HDAC9: variants seen among roughly 807,000 people sequenced by gnomAD.
HDAC9 encodes histone deacetylase 9.
Under a neutral mutation model 139.4 loss-of-function variants are expected in HDAC9, and 41 were observed. The observed-to-expected ratio is 0.29, with a 90% CI of 0.23 to 0.38. The LOEUF (loss-of-function observed/expected upper bound fraction) is 0.38. Ranked by LOEUF, HDAC9 falls within the 10% of genes least tolerant of loss-of-function variation. HDAC9 has a pLI of 1.00. For missense variants in HDAC9, 1,147 were observed against 1,297.0 expected, an observed-to-expected ratio of 0.88 and a Z score of 1.78; for synonymous variants, 517 against 476.2, an observed-to-expected ratio of 1.09 and a Z score of -1.12.
At chr7:18,792,795 T>C (rs952867730) in intron 16 of HDAC9, among the ~76,000 whole-genome samples, 3 of 152,192 alleles carry the variant, frequency 2.0e-5, no homozygotes, top group African/African-American at 7.2e-5. Flanking sequence ...ACTCCTTCCA[T>C]TTAGTTGGAG....
intron 22 of HDAC9, among the ~76,000 whole-genome samples, chr7:18,893,481 C>T (rs1452028288): frequency 6.6e-6 from 1 of 152,138 alleles, no homozygotes; most frequent in Non-Finnish European, 1.5e-5. Context: ...TCCCTGTTTG[C>T]ATGTGGCTTA....
chr7:18,172,796 T>G (rs1788554874), intron 2 of HDAC9, among the ~76,000 whole-genome samples: 1 of 152,240 alleles, frequency 6.6e-6, no homozygotes, highest in African/African-American at 2.4e-5. Context: ...TCTAATTTGA[T>G]TGCACTGTGG....
exon 2 of HDAC9, chr7:18,162,269 T>C: frequency 6.6e-7 from 1 of 1,505,386 alleles, no homozygotes; most frequent in South Asian, 1.2e-5. Flanking sequence ...TTGTCAGCAG[T>C]TGAACGACAA....
intron 22 of HDAC9, among the ~76,000 whole-genome samples, chr7:18,923,326 TCCCAGTCTAATG>T (rs1298664665): frequency 6.6e-6 from 1 of 152,122 alleles, no homozygotes; most frequent in Non-Finnish European, 1.5e-5. Context: ...CCAGCTTGAC[TCCCAGTCTAATG>T]CATCTGCGAG....
chr7:18,660,976 C>A (rs1321446953), intron 11 of HDAC9, among the ~76,000 whole-genome samples: 3 of 152,102 alleles, frequency 2.0e-5, no homozygotes, highest in Non-Finnish European at 4.4e-5. Context: ...TTAATGTTAC[C>A]TAAATTATAT....
intron 2 of HDAC9, among the ~76,000 whole-genome samples, chr7:18,283,661 G>A (rs1050694624): frequency 6.6e-6 from 1 of 152,086 alleles, no homozygotes; most frequent in Non-Finnish European, 1.5e-5. Flanking sequence ...TGTTAAGCAT[G>A]TTGCATTACT....
intron 22 of HDAC9, among the ~76,000 whole-genome samples, chr7:18,885,224 A>T (rs1039756123): frequency 6.6e-6 from 1 of 152,242 alleles, no homozygotes; most frequent in Non-Finnish European, 1.5e-5. Flanking sequence ...CATCAGAATT[A>T]TCCCAGGAAT....
At chr7:18,475,373 T>C (rs938833907) in intron 1 of HDAC9, among the ~76,000 whole-genome samples, 1 of 152,246 alleles carries the variant, frequency 6.6e-6, no homozygotes, top group Non-Finnish European at 1.5e-5. Context: ...GAGTTAATTT[T>C]ATAGAGGGTG....
At chr7:18,974,475 G>A (rs1020200195) in intron 24 of HDAC9, among the ~76,000 whole-genome samples, 1 of 152,148 alleles carries the variant, frequency 6.6e-6, no homozygotes, top group South Asian at 2.1e-4. Context: ...GCATCTTTGT[G>A]TCCTCGACAT....
chr7:18,310,848 A>ACACACT lies in HDAC9; in HGVS notation c.-42+20334_-42+20335insACACTC, dbSNP rs1240340334. On this transcript the variant is annotated intron_variant, in intron 1 of 3. Coordinates refer to the HDAC9 transcript ENST00000413509. ...CACACACACACACACACACACACAC[A>ACACACT]CTCTCTTACTAAATTGCTGAGGGCC... is the stretch of plus-strand genomic sequence containing the variant. 4.4e-5 allele frequency among the ~76,000 whole-genome samples: 6 copies of ACACACT among 137,732 alleles called. No individual in the cohort carries two copies. In the East Asian group the frequency reaches 6.2e-4, roughly 14 times the overall value. The allele number at this position is 137,732 out of a possible 152,430, so 90.4% of individuals were successfully genotyped here.
chr7:18,484,513 G>A (rs915818539), intron 1 of HDAC9, among the ~76,000 whole-genome samples: 35 of 152,166 alleles, frequency 2.3e-4, no homozygotes, highest in African/African-American at 6.5e-4. Context: ...TCAAATGCCT[G>A]AAGTTTTTGA....
intron 22 of HDAC9, among the ~76,000 whole-genome samples, chr7:18,933,804 A>G (rs1448262651): frequency 2.0e-5 from 3 of 152,188 alleles, no homozygotes; most frequent in Non-Finnish European, 4.4e-5. Context: ...GAGTTAAGAA[A>G]GTATCATAAT....
chr7:18,366,356 G>A (rs1784179305), intron 1 of HDAC9, among the ~76,000 whole-genome samples: 1 of 152,116 alleles, frequency 6.6e-6, no homozygotes, highest in Admixed American at 6.6e-5. Flanking sequence ...ACATAGCATA[G>A]AACTTTGGGA....
At chr7:18,955,954 C>G (rs1783117284) in intron 24 of HDAC9, among the ~76,000 whole-genome samples, 2 of 152,148 alleles carry the variant, frequency 1.3e-5, no homozygotes, top group African/African-American at 4.8e-5. Context: ...TCTTTAGAAA[C>G]TCTACTGTTG....
intron 23 of HDAC9, among the ~76,000 whole-genome samples, chr7:18,945,179 C>T (rs996271836): frequency 6.6e-6 from 1 of 152,166 alleles, no homozygotes; most frequent in African/African-American, 2.4e-5. Context: ...AGTTCTGTAT[C>T]CTTCTAATAC....
intron 2 of HDAC9, among the ~76,000 whole-genome samples, chr7:18,500,353 C>A (rs1246829539): frequency 6.6e-6 from 1 of 152,084 alleles, no homozygotes; most frequent in Non-Finnish European, 1.5e-5. Flanking sequence ...GCATGTCAGC[C>A]AGCAAACATA....
At chr7:18,876,703 A>AC (rs1799344026) in intron 22 of HDAC9, among the ~76,000 whole-genome samples, 2 of 145,054 alleles carry the variant, frequency 1.4e-5, no homozygotes, top group Admixed American at 1.4e-4. Context: ...ATGAGAATAG[A>AC]TTTTTTTTTT....
At chr7:18,281,468 G>A (rs1395523743) in intron 2 of HDAC9, among the ~76,000 whole-genome samples, 1 of 152,156 alleles carries the variant, frequency 6.6e-6, no homozygotes, top group Non-Finnish European at 1.5e-5. Flanking sequence ...AGGACCTGGT[G>A]AAGGTTTCAG....
chr7:18,739,728 C>T (rs6968045), intron 13 of HDAC9, among the ~76,000 whole-genome samples: 2,468 of 152,302 alleles, frequency 0.016, 66 homozygotes, highest in African/African-American at 0.056. Flanking sequence ...GTGTCAGGGA[C>T]CCACTCGAGG....
Sources: gnomAD v4.1 joint callset for allele counts (sites outside exome capture counted in the v4.1 genomes callset) on GRCh38, gnomAD v4.1.1 for gene constraint, MANE v1.5 for transcripts, NCBI Gene and HGNC (gene_info 2026-07-23, HGNC 2026-07-21) for gene names.